The following PEX3 variants were observed in gnomAD, a reference collection of about 807,000 sequenced individuals.
The protein encoded by PEX3 is peroxisomal biogenesis factor 3.
Under a neutral mutation model 55.8 loss-of-function variants are expected in PEX3, and 30 were observed. The observed-to-expected ratio is 0.54, with a 90% CI of 0.40 to 0.73. PEX3 has a LOEUF of 0.73. Among genes scored for constraint, PEX3 ranks in the 30% least tolerant of loss-of-function variants. PEX3 has a pLI of 0.00. For synonymous variants in PEX3, 135 were observed against 148.4 expected, an observed-to-expected ratio of 0.91 and a Z score of 0.66; for missense variants, 351 against 432.8, an observed-to-expected ratio of 0.81 and a Z score of 1.68.
At position 143,475,603 on chromosome 6, in the gene PEX3, G is replaced by A. The variant is rs147107396; in HGVS notation, c.818+747G>A. On this transcript the variant is annotated intron_variant, in intron 9 of 11. Coordinates refer to ENST00000367591, the MANE Select transcript of PEX3 (RefSeq NM_003630.3). The surrounding 1 kb of genome is among the most constrained non-coding windows in gnomAD (Gnocchi z 4.4). Reference sequence around the variant, plus strand: ...TGGCAGGTTGAGGCTATGGTGAGCCGTGATTGCACCACTGTACTCCAGCCT... The same window carrying A: ...TGGCAGGTTGAGGCTATGGTGAGCCATGATTGCACCACTGTACTCCAGCCT... Among the ~76,000 whole-genome samples the A allele has an allele frequency of 0.011, 1,654 of 152,270 alleles. 24 individuals carry two copies. Among genetic ancestry groups the A allele is most frequent in the African/African-American group, 0.037 (1,555 of 41,534 alleles).
Position 143,471,494 on chromosome 6 carries a change from A to G in PEX3, c.523+45A>G. The G allele has an allele frequency of 1.3e-6, 2 of 1,560,320 alleles. No homozygotes were observed. Among genetic ancestry groups the G allele is most frequent in the South Asian group, 2.2e-5 (2 of 89,250 alleles). ...CTTTTATACTAATTTTAATTCATTT[A>G]TTTTTATTATTGAGGAATTTTTAAA... is the stretch of plus-strand genomic sequence containing the variant. On this transcript the variant is annotated intron_variant, in intron 6 of 11. Transcript: ENST00000367591. The surrounding 1 kb of genome is among the most constrained non-coding windows in gnomAD (Gnocchi z 5.4).
rs114164380 is a variant in PEX3, at chr6:143,480,887, C to G, written c.941+1689C>G. Among the ~76,000 whole-genome samples, 795 of 152,198 alleles carry G rather than the reference C, an allele frequency of 5.2e-3. 8 individuals carry two copies. The highest frequency in any genetic ancestry group is 0.018 in the African/African-American group (727 of 41,528). Reference sequence around the variant, plus strand: ...AATTAGCTGGGCATGCGGCACATGCCTGTAGTCCCAGCTAATTGGAAGGCT... The same window carrying G: ...AATTAGCTGGGCATGCGGCACATGCGTGTAGTCCCAGCTAATTGGAAGGCT... On this transcript the variant is annotated intron_variant, in intron 10 of 11. Transcript: ENST00000367591.
rs1288475897 is a variant in PEX3 at position 143,464,375 on chromosome 6, G to A, written c.287+1378G>A. Among the ~76,000 whole-genome samples the A allele has an allele frequency of 6.6e-6, 1 of 151,924 alleles. No homozygotes were observed. The highest frequency in any genetic ancestry group is 1.5e-5 in the Non-Finnish European group (1 of 67,892). On this transcript the variant is annotated intron_variant, in intron 3 of 11. Coordinates refer to ENST00000367591, the MANE Select transcript of PEX3 (RefSeq NM_003630.3). The surrounding 1 kb of genome is among the most constrained non-coding windows in gnomAD (Gnocchi z 5.8). ...GTGCTTTAGGGGATTTAATAGTTAA[G>A]ATCAAGTCTCTTTAAGACCTTTTCA...
chr6:143,474,716 A>C, intron 8 of PEX3, 70 bp from the exon 9 acceptor site: 1 of 839,366 alleles, frequency 1.2e-6, no homozygotes, highest in South Asian at 1.3e-5. Context: ...TTATTTATGA[A>C]TGTGATTAGT....
intron 4 of PEX3, among the ~76,000 whole-genome samples, chr6:143,469,175 C>A (rs1342670572): frequency 6.6e-6 from 1 of 152,076 alleles, no homozygotes; most frequent in Admixed American, 6.5e-5. Flanking sequence ...ATTTATAATC[C>A]TTTAGGTATA....
intron 1 of PEX3, among the ~76,000 whole-genome samples, chr6:143,452,477 C>T (rs1370607923): frequency 1.3e-5 from 2 of 152,038 alleles, no homozygotes; most frequent in Non-Finnish European, 2.9e-5. Flanking sequence ...ATCTCTTTAG[C>T]GATCTCAGAA....
chr6:143,455,671 A>G (rs1457277968), intron 1 of PEX3, among the ~76,000 whole-genome samples: 1 of 152,168 alleles, frequency 6.6e-6, no homozygotes, highest in Non-Finnish European at 1.5e-5. Flanking sequence ...TATGTTTTAG[A>G]AAATCACTTT....
At position 143,475,921 on chromosome 6, in the gene PEX3, G is replaced by A. The variant is rs1366029675; in HGVS notation, c.818+1065G>A. Among the ~76,000 whole-genome samples the A allele has an allele frequency of 6.6e-6, 1 of 152,130 alleles. No individual in the cohort carries two copies. The highest frequency in any genetic ancestry group is 1.5e-5 in the Non-Finnish European group (1 of 68,032). On this transcript the variant is annotated intron_variant, in intron 9 of 11. Coordinates refer to ENST00000367591, the MANE Select transcript of PEX3 (RefSeq NM_003630.3). This position sits in a 1 kb window ranked among gnomAD's most constrained non-coding sequence, Gnocchi z 4.4. ...ATCAACTATGTATTGGCTGTCTGTGGTATATTAGGTACTGTTCTAAATGCT... is the reference window on the plus strand; with the variant it reads ...ATCAACTATGTATTGGCTGTCTGTGATATATTAGGTACTGTTCTAAATGCT...
At position 143,451,838 on chromosome 6, in the gene PEX3, C is replaced by T. The variant is rs560328830; in HGVS notation, c.73+723C>T. Among the ~76,000 whole-genome samples the T allele has an allele frequency of 1.3e-5, 2 of 152,250 alleles. No individual in the cohort carries two copies. The highest frequency in any genetic ancestry group is 4.1e-4 in the South Asian group (2 of 4,820). On this transcript the variant is annotated intron_variant, in intron 1 of 11. Coordinates refer to ENST00000367591, the MANE Select transcript of PEX3 (RefSeq NM_003630.3). The surrounding 1 kb of genome is among the most constrained non-coding windows in gnomAD (Gnocchi z 4.1). ...TAAAAATCTTGAGACGCTTTTCCCT[C>T]ATACAATGCTCATGTGATAATATTC...
In PEX3 at chr6:143,463,310, G is replaced by A. The variant is rs190413092; in HGVS notation, c.287+313G>A. Among the ~76,000 whole-genome samples the A allele has an allele frequency of 1.4e-4, 21 of 152,288 alleles. No homozygotes were observed. The highest frequency in any genetic ancestry group is 4.6e-4 in the African/African-American group (19 of 41,544). Reference sequence around the variant, plus strand: ...GAAATGTGTTCCTGAACCAGATGCTGTGAAGCTAACAAAGTTACGTTAAAT... The same window carrying A: ...GAAATGTGTTCCTGAACCAGATGCTATGAAGCTAACAAAGTTACGTTAAAT... On this transcript the variant is annotated intron_variant, in intron 3 of 11. Transcript: ENST00000367591. The surrounding 1 kb of genome is among the most constrained non-coding windows in gnomAD (Gnocchi z 5.7).
chr6:143,471,700 C>A lies in PEX3; in HGVS notation c.578+89C>A. 3.3e-6 allele frequency: 3 copies of A among 916,886 alleles called. No individual in the cohort carries two copies. The highest frequency in any genetic ancestry group is 5.5e-6 in the Non-Finnish European group (3 of 548,952). The allele number at this position is 916,886 out of a possible 1,614,324, so 56.8% of individuals were successfully genotyped here. ...TGTTCTAGTGAAACCAGTGACTTGACAAACGGTGATTTGTGAAACTCTTTG... is the reference window on the plus strand; with the variant it reads ...TGTTCTAGTGAAACCAGTGACTTGAAAAACGGTGATTTGTGAAACTCTTTG... On this transcript the variant is annotated intron_variant, in intron 7 of 11. Transcript: ENST00000367591. The surrounding 1 kb of genome is among the most constrained non-coding windows in gnomAD (Gnocchi z 5.4).
In PEX3 at chr6:143,466,354, T is replaced by C. The variant is rs1457148102; in HGVS notation, c.288-1768T>C. Among the ~76,000 whole-genome samples, 3 of 152,020 alleles carry C rather than the reference T, an allele frequency of 2.0e-5. No homozygotes were observed. Among genetic ancestry groups the C allele is most frequent in the Non-Finnish European group, 4.4e-5 (3 of 67,932 alleles). ...CATGCTGTAGATGCTATCTACCTGT[T>C]AGTCACTTAGTAGCCATCTTGGCCA... On this transcript the variant is annotated intron_variant, in intron 3 of 11. Coordinates refer to ENST00000367591, the MANE Select transcript of PEX3 (RefSeq NM_003630.3). The surrounding 1 kb of genome is among the most constrained non-coding windows in gnomAD (Gnocchi z 5.4).
At position 143,454,601 on chromosome 6, in the gene PEX3, A is replaced by G. The variant is rs1779817262; in HGVS notation, c.73+3486A>G. 6.6e-6 allele frequency among the ~76,000 whole-genome samples: 1 copy of G among 152,246 alleles called. No homozygotes were observed. Among genetic ancestry groups the G allele is most frequent in the Non-Finnish European group, 1.5e-5 (1 of 68,038 alleles). On this transcript the variant is annotated intron_variant, in intron 1 of 11. Coordinates refer to ENST00000367591, the MANE Select transcript of PEX3 (RefSeq NM_003630.3). The surrounding 1 kb of genome is among the most constrained non-coding windows in gnomAD (Gnocchi z 4.3). ...TACTCTGGAAATACAAAGGAATAAG[A>G]CAGATCCTGACTTTGAACTCATGGT...
rs1780073839 is a variant in PEX3 at position 143,471,514 on chromosome 6, T to G, written c.524-43T>G. The stretch of plus-strand genomic sequence containing the variant: ...CATTTATTTTTATTATTGAGGAATT[T>G]TTAAACTAAGCAAGGCTTTTAGGTT... On this transcript the variant is annotated intron_variant, in intron 6 of 11. Coordinates refer to ENST00000367591, the MANE Select transcript of PEX3 (RefSeq NM_003630.3). This position sits in a 1 kb window ranked among gnomAD's most constrained non-coding sequence, Gnocchi z 5.4. 6.3e-7 allele frequency: 1 copy of G among 1,578,552 alleles called. No individual in the cohort carries two copies.
chr6:143,452,187 A>T (rs1779781151), intron 1 of PEX3, among the ~76,000 whole-genome samples: 1 of 152,184 alleles, frequency 6.6e-6, no homozygotes. Flanking sequence ...GATGCTTGAA[A>T]GTTTGAAACA....
rs950018054 is a variant in PEX3 at position 143,454,402 on chromosome 6, G to T, written c.73+3287G>T. Among the ~76,000 whole-genome samples the T allele has an allele frequency of 6.6e-6, 1 of 152,216 alleles. No individual in the cohort carries two copies. Among genetic ancestry groups the T allele is most frequent in the Non-Finnish European group, 1.5e-5 (1 of 68,040 alleles). ...TGGAAAAAGTTTTGGAGAACAGAGA[G>T]CAACCAGATTGATATTTATTGACTT... On this transcript the variant is annotated intron_variant, in intron 1 of 11. Coordinates refer to ENST00000367591, the MANE Select transcript of PEX3 (RefSeq NM_003630.3). This position sits in a 1 kb window ranked among gnomAD's most constrained non-coding sequence, Gnocchi z 4.3.
chr6:143,467,326 A>G (rs1780005841), intron 3 of PEX3, among the ~76,000 whole-genome samples: 1 of 152,144 alleles, frequency 6.6e-6, no homozygotes. Flanking sequence ...TAGAAATATC[A>G]GTATGAATTC....
At position 143,483,066 on chromosome 6, in the gene PEX3, A is replaced by G. The variant is rs1379647248; in HGVS notation, c.942-2086A>G. Among the ~76,000 whole-genome samples, 1 of 152,150 alleles carries G rather than the reference A, an allele frequency of 6.6e-6. No individual in the cohort carries two copies. The highest frequency in any genetic ancestry group is 1.5e-5 in the Non-Finnish European group (1 of 68,000). ...TATCATCCATGAGTGTAATGACATT[A>G]TATACAGAACTTTTGCACATCAGTT... On this transcript the variant is annotated intron_variant, in intron 10 of 11. Coordinates refer to ENST00000367591, the MANE Select transcript of PEX3 (RefSeq NM_003630.3). This position sits in a 1 kb window ranked among gnomAD's most constrained non-coding sequence, Gnocchi z 4.3.
intron 8 of PEX3, 46 bp from the exon 9 acceptor site, chr6:143,474,740 T>G: frequency 1.1e-6 from 1 of 923,050 alleles, no homozygotes; most frequent in East Asian, 2.4e-5. Flanking sequence ...ATCATAACCC[T>G]GTGCTAATGT....
Sources: allele counts gnomAD v4.1 joint callset (sites outside exome capture counted in the v4.1 genomes callset), GRCh38; gene constraint gnomAD v4.1.1; non-coding constraint Gnocchi (gnomAD v3.1); transcripts MANE v1.5; gene names NCBI Gene and HGNC (gene_info 2026-07-23, HGNC 2026-07-21).